The following PKD1L1 variants were observed in gnomAD, a reference collection of about 807,000 sequenced individuals.
PKD1L1 encodes the protein polycystin-1-like protein 1.
Under a neutral mutation model 323.4 loss-of-function variants are expected in PKD1L1, and 236 were observed. The ratio of observed to expected loss-of-function variants is 0.73; its 90% CI spans 0.66 to 0.81. The LOEUF (loss-of-function observed/expected upper bound fraction) is 0.81, where lower values mean the gene tolerates loss of function less well. Among genes scored for constraint, PKD1L1 ranks in the 40% least tolerant of loss-of-function variants. The probability of loss-of-function intolerance (pLI) is 0.00; values close to 1 mark genes in which losing one functional copy is unlikely to be tolerated. For missense variants in PKD1L1, 3,320 were observed against 3,508.0 expected (o/e 0.95, Z 1.35); for synonymous variants, 1,344 against 1,335.0 (o/e 1.01, Z -0.15).
At chr7:47,834,883 C>A in intron 39 of PKD1L1, 84 bp downstream of exon 39, 2 of 1,158,498 alleles carry the variant, frequency 1.7e-6, no homozygotes, top group Non-Finnish European at 1.3e-6. Context: ...AAATTGAAAA[C>A]AGAAGATACA....
rs147316882 is a variant in PKD1L1, at chr7:47,814,002, C to T, written c.7102G>A (p.Gly2368Arg). 9 of 1,613,862 alleles carry T rather than the reference C, an allele frequency of 5.6e-6. No homozygotes were observed. Among genetic ancestry groups the T allele is most frequent in the South Asian group, 2.2e-5 (2 of 91,066 alleles). Residue 2368 changes from glycine to arginine, a missense_variant, in exon 48 of 57, where the codon GGA becomes AGA. Coordinates refer to ENST00000289672, the MANE Select transcript of PKD1L1 (RefSeq NM_138295.5). ...CTGCCTATTAGGTAGCATTTTCCTC[C>T]AAGAGCTCCAGGCTGAAAGGAGAAA... ...RVPGAQPGAL[G>R]GKCYLIGSSV...
intron 22 of PKD1L1, among the ~76,000 whole-genome samples, chr7:47,877,122 T>G (rs73105183): frequency 6.6e-6 from 1 of 151,680 alleles, no homozygotes; most frequent in East Asian, 1.9e-4. Flanking sequence ...GAAATGTGCC[T>G]GGGGAGGGAA....
rs533222075 is a variant in PKD1L1 at position 47,800,974 on chromosome 7, G to C, written c.7963-95C>G. 2.1e-4 allele frequency: 246 copies of C among 1,154,256 alleles called. 1 individual carries two copies. The African/African-American group carries it at 3.3e-3, about 16-fold the overall frequency. The allele number at this position is 1,154,256 out of a possible 1,614,324, so 71.5% of individuals were successfully genotyped here. Reference sequence around the variant, plus strand: ...AATGTTGAAAATAGAGACAAACTTGGAGGGGCAGTTTTGGGAGTGTGGATC... The same window carrying C: ...AATGTTGAAAATAGAGACAAACTTGCAGGGGCAGTTTTGGGAGTGTGGATC... On this transcript the variant is annotated intron_variant, in intron 53 of 56. Coordinates refer to ENST00000289672, the MANE Select transcript of PKD1L1 (RefSeq NM_138295.5).
In PKD1L1 at chr7:47,829,651, A is replaced by G; in HGVS notation, c.6559-50T>C. 3 of 1,532,220 alleles carry G rather than the reference A, an allele frequency of 2.0e-6. No individual in the cohort carries two copies. In the South Asian group the frequency reaches 3.7e-5, roughly 19 times the overall value. The allele number at this position is 1,532,220 out of a possible 1,614,324, so 94.9% of individuals were successfully genotyped here. A position where few individuals can be genotyped will look rare whatever the true frequency, so the allele number is the denominator to read the frequency against. ...AGAGAGCCGCCCTATGTCTGTGTTC[A>G]TTCCACACAGAGCTGTCCTCCCGTC... On this transcript the variant is annotated intron_variant, in intron 43 of 56. Transcript: ENST00000289672.
intron 54 of PKD1L1, among the ~76,000 whole-genome samples, chr7:47,798,306 C>T (rs1784585454): frequency 6.6e-6 from 1 of 152,020 alleles, no homozygotes; most frequent in South Asian, 2.1e-4. Flanking sequence ...AGTTGTAAAG[C>T]CAATTCAATG....
At chr7:47,775,484 C>T (rs746857914) in intron 56 of PKD1L1, among the ~76,000 whole-genome samples, 52 of 152,132 alleles carry the variant, frequency 3.4e-4, no homozygotes, top group Non-Finnish European at 6.0e-4. Flanking sequence ...ATAAGGACAT[C>T]AGGAAAATCT....
chr7:47,859,400 T>C (rs34196162), intron 26 of PKD1L1, among the ~76,000 whole-genome samples: 25,781 of 151,838 alleles, frequency 0.17, 2,339 homozygotes, highest in East Asian at 0.37. Flanking sequence ...CTACCTGCAG[T>C]ACCTTTACCC....
At chr7:47,853,266 T>C (rs768819626) in intron 30 of PKD1L1, 39 bp from the exon 31 acceptor site, 10 of 1,397,540 alleles carry the variant, frequency 7.2e-6, no homozygotes, top group Non-Finnish European at 1.0e-5. Context: ...CTCATTTTTT[T>C]CTTCTCTCTC....
Position 47,775,069 on chromosome 7 carries a change from T to C in PKD1L1, c.*74A>G. ...GCTCTTCTCACCTGCAAAACTAGGA[T>C]GTCTGCTAAAATTGGCTGTTGGGTG... On this transcript the variant is annotated 3_prime_UTR_variant, in exon 57 of 57. Transcript: ENST00000289672. 6.6e-7 allele frequency: 1 copy of C among 1,512,166 alleles called. No individual in the cohort carries two copies. 93.7% of individuals were successfully genotyped at this position (1,512,166 alleles called of 1,614,324 possible). A position where few individuals can be genotyped will look rare whatever the true frequency, so the allele number is the denominator to read the frequency against.
intron 17 of PKD1L1, among the ~76,000 whole-genome samples, chr7:47,886,632 AACTGCCCTGCCGCCTC>A (rs1364707804): frequency 6.6e-6 from 1 of 152,118 alleles, no homozygotes; most frequent in East Asian, 1.9e-4. Flanking sequence ...GGAGCGTGGC[AACTGCCCTGCCGCCTC>A]ACTCCTTCTC....
chr7:47,948,343 A>G (rs2128760481), intron 1 of PKD1L1, 54 bp downstream of exon 1: 2 of 1,600,048 alleles, frequency 1.2e-6, no homozygotes, highest in Middle Eastern at 1.7e-4. Flanking sequence ...AAATTTCTGA[A>G]TGCATACTTT....
intron 8 of PKD1L1, among the ~76,000 whole-genome samples, chr7:47,913,874 C>G (rs181417679): frequency 6.6e-6 from 1 of 152,060 alleles, no homozygotes; most frequent in Non-Finnish European, 1.5e-5. Flanking sequence ...AGAAATCATA[C>G]AGTAAACGAA....
Position 47,857,604 on chromosome 7 carries a change from C to T in PKD1L1, c.4590+1G>A. The T allele has an allele frequency of 6.2e-7, 1 of 1,613,612 alleles. No individual in the cohort carries two copies. On this transcript the variant is annotated splice_donor_variant, in intron 28 of 56. Coordinates refer to ENST00000289672, the MANE Select transcript of PKD1L1 (RefSeq NM_138295.5). LOFTEE classifies it high-confidence loss of function. ...GTGGCAGGTCATCTGTCAGCTTGTA[C>T]CTGCCCAGGAGCTTGGCTCCCTGGA...
chr7:47,910,339 T>C (rs1392457156), intron 8 of PKD1L1, among the ~76,000 whole-genome samples: 2 of 150,972 alleles, frequency 1.3e-5, no homozygotes, highest in Non-Finnish European at 3.0e-5. Context: ...TACTTTCTTT[T>C]TTTTTTTTTT....
chr7:47,783,450 T>C (rs918236370), intron 56 of PKD1L1, among the ~76,000 whole-genome samples: 17 of 152,246 alleles, frequency 1.1e-4, no homozygotes, highest in Non-Finnish European at 2.9e-5. Context: ...TATAATACTT[T>C]CTTCAAATAT....
chr7:47,882,317 C>CCTT (rs1786578200), intron 19 of PKD1L1, among the ~76,000 whole-genome samples: 5 of 132,898 alleles, frequency 3.8e-5, no homozygotes, highest in Non-Finnish European at 7.8e-5. Flanking sequence ...TTCCTATCTT[C>CCTT]CTTCCTTCCT....
intron 50 of PKD1L1, among the ~76,000 whole-genome samples, chr7:47,811,172 T>TC (rs397705484): frequency 6.7e-6 from 1 of 149,930 alleles, no homozygotes; most frequent in Non-Finnish European, 1.5e-5. Context: ...TTTTTTTTTT[T>TC]AGACGGAGTC....
chr7:47,800,632 G>C lies in PKD1L1; in HGVS notation c.8193+17C>G, dbSNP rs1290813536. The C allele has an allele frequency of 8.1e-6, 13 of 1,606,048 alleles. No homozygotes were observed. The highest frequency in any genetic ancestry group is 1.1e-5 in the Non-Finnish European group (13 of 1,172,800). On this transcript the variant is annotated intron_variant, in intron 54 of 56. Transcript: ENST00000289672. ...TTTACAAACCATAACTTGAAAGTTG[G>C]GGATGTGTTTACTTACCATTCCAAA...
At chr7:47,846,758 C>G in intron 32 of PKD1L1, 121 bp downstream of exon 32, 1 of 910,454 alleles carries the variant, frequency 1.1e-6, no homozygotes, top group Admixed American at 2.9e-5. Context: ...TTGTACAAAC[C>G]AAGAGAGCTC....
Sources: allele counts gnomAD v4.1 joint callset (sites outside exome capture counted in the v4.1 genomes callset), GRCh38; gene constraint gnomAD v4.1.1; transcripts MANE v1.5; gene names NCBI Gene and HGNC (gene_info 2026-07-23, HGNC 2026-07-21).